Variants in PIGB observed in about 807,000 individuals in gnomAD.
PIGB encodes the protein phosphatidylinositol glycan anchor biosynthesis class B.
In PIGB, 58 loss-of-function variants were observed where a neutral mutation model predicts 68.4. The ratio of observed to expected loss-of-function variants is 0.85; its 90% CI spans 0.69 to 1.06. The LOEUF is 1.06. Ranked by LOEUF, PIGB falls within the 50% of genes least tolerant of loss-of-function variation. PIGB has a pLI of 0.00. For missense variants in PIGB, 634 were observed against 655.8 expected (o/e 0.97, Z 0.36); for synonymous variants, 219 against 220.5 (o/e 0.99, Z 0.06).
intron 4 of PIGB, among the ~76,000 whole-genome samples, chr15:55,328,087 G>C (rs1197326152): frequency 6.6e-6 from 1 of 152,200 alleles, no homozygotes; most frequent in African/African-American, 2.4e-5. Flanking sequence ...TGGGATGTTG[G>C]AAGTATTAGG....
intron 9 of PIGB, among the ~76,000 whole-genome samples, chr15:55,347,495 G>A (rs2055821686): frequency 6.6e-6 from 1 of 152,210 alleles, no homozygotes; most frequent in East Asian, 1.9e-4. Flanking sequence ...TCATTTTTAA[G>A]TTGGAACCTG....
intron 6 of PIGB, among the ~76,000 whole-genome samples, 183 bp from the exon 7 acceptor site, chr15:55,339,081 TATA>T (rs2055603901): frequency 1.3e-5 from 2 of 152,236 alleles, no homozygotes; most frequent in South Asian, 2.1e-4. Flanking sequence ...TAATCGATTA[TATA>T]ATCTTATCTA....
At position 55,350,853 on chromosome 15, in the gene PIGB, CAATA is replaced by C; in HGVS notation, c.1282_1285del (p.Lys428LeufsTer7). On this transcript the variant is annotated frameshift_variant, in exon 10 of 12. Transcript: ENST00000164305. LOFTEE classifies it high-confidence loss of function. ...TTCAAAAAGTTTGTTACAACAATCC[CAATA>C]AATCTTCAGCTTCAATATTTATAAT... The C allele has an allele frequency of 6.2e-7, 1 of 1,609,130 alleles. No individual in the cohort carries two copies. Among genetic ancestry groups the C allele is most frequent in the Non-Finnish European group, 8.5e-7 (1 of 1,175,734 alleles).
intron 1 of PIGB, 36 bp from the exon 2 acceptor site, chr15:55,320,239 T>C (rs1167524461): frequency 1.3e-6 from 2 of 1,595,802 alleles, no homozygotes; most frequent in Non-Finnish European, 1.7e-6. Context: ...TGCCTGACTT[T>C]TGTGCCACTA....
At chr15:55,351,036 C>T (rs2055909827) in intron 10 of PIGB, 124 bp downstream of exon 10, 2 of 600,506 alleles carry the variant, frequency 3.3e-6, no homozygotes, top group Non-Finnish European at 5.8e-6. Flanking sequence ...TAAACTCCCA[C>T]ATATTTATTC....
chr15:55,319,562 T>C (rs1370778697), intron 1 of PIGB, 149 bp downstream of exon 1: 5 of 604,352 alleles, frequency 8.3e-6, no homozygotes, highest in African/African-American at 5.7e-5. Context: ...CAGATTTTAA[T>C]ATAAATTCTG....
At chr15:55,347,195 AGGC>A (rs2055813829) in intron 9 of PIGB, among the ~76,000 whole-genome samples, 1 of 152,218 alleles carries the variant, frequency 6.6e-6, no homozygotes, top group African/African-American at 2.4e-5. Context: ...GCACTTTGGG[AGGC>A]TGTGGCGGGC....
intron 6 of PIGB, among the ~76,000 whole-genome samples, chr15:55,334,661 A>AG (rs2055495017): frequency 1.3e-5 from 2 of 152,204 alleles, no homozygotes; most frequent in African/African-American, 4.8e-5. Flanking sequence ...CATTTATGAC[A>AG]GTGGTCCCAT....
At chr15:55,350,381 C>A in intron 9 of PIGB, 1 of 291,156 alleles carries the variant, frequency 3.4e-6, no homozygotes, top group Non-Finnish European at 6.4e-6. Flanking sequence ...TTTTCTAACA[C>A]TTGAATAAGG....
intron 9 of PIGB, among the ~76,000 whole-genome samples, chr15:55,343,971 T>G (rs2055732429): frequency 6.6e-6 from 1 of 152,196 alleles, no homozygotes. Context: ...ACAGTTCTCT[T>G]TGGAGCTCTT....
chr15:55,326,813 G>A (rs1422191013), intron 3 of PIGB, among the ~76,000 whole-genome samples: 2 of 152,268 alleles, frequency 1.3e-5, no homozygotes, highest in African/African-American at 2.4e-5. Context: ...CTCCAGCCTG[G>A]GCGACAGAGC....
At chr15:55,355,233 C>A in intron 11 of PIGB, 53 bp from the exon 12 acceptor site, 1 of 1,416,220 alleles carries the variant, frequency 7.1e-7, no homozygotes. Flanking sequence ...TTGACTGAAA[C>A]AGTACTCAGC....
chr15:55,350,760 A>C lies in PIGB; in HGVS notation c.1185A>C (p.Ser395=), dbSNP rs1013967627. The C allele has an allele frequency of 1.2e-6, 2 of 1,613,722 alleles. No homozygotes were observed. Among genetic ancestry groups the C allele is most frequent in the Non-Finnish European group, 8.5e-7 (1 of 1,179,746 alleles). The change falls in exon 10 of 12, where the codon TCA becomes TCC. Residue 395 remains serine, a synonymous_variant. Transcript: ENST00000164305. ...CAGCTCTAAGTTTCCTGTTTTTATC[A>C]AATTTGTTCCTCGCCCTTTATACTG... The part of the protein sequence containing the change: ...KKPALSFLFL[S]NLFLALYTGL...
chr15:55,320,829 A>G (rs913588374), intron 2 of PIGB, among the ~76,000 whole-genome samples: 2 of 152,128 alleles, frequency 1.3e-5, no homozygotes, highest in Non-Finnish European at 2.9e-5. Context: ...AGTTTTCCGT[A>G]TTTTCCCCAA....
intron 10 of PIGB, chr15:55,351,525 C>T (rs2055921658): frequency 6.6e-6 from 1 of 152,144 alleles, no homozygotes; most frequent in African/African-American, 2.4e-5. Context: ...GTATTACTTA[C>T]CTTACTACAA....
intron 10 of PIGB, among the ~76,000 whole-genome samples, chr15:55,353,994 T>TAAATAAAAATAAAAATAAA (rs1193697951): frequency 1.7e-4 from 19 of 111,670 alleles, no homozygotes; most frequent in African/African-American, 3.7e-4. Context: ...TCAATCATCT[T>TAAATAAAAATAAAAATAAA]AAATAAAAAA....
In PIGB at chr15:55,336,426, A is replaced by G. The variant is rs559390155; in HGVS notation, c.794+2419A>G. Among the ~76,000 whole-genome samples, 40 of 152,246 alleles carry G rather than the reference A, an allele frequency of 2.6e-4. No homozygotes were observed. In the East Asian group the frequency reaches 7.5e-3, roughly 29 times the overall value. On this transcript the variant is annotated intron_variant, in intron 6 of 11. Transcript: ENST00000164305. ...ATAACAAAGAAAATATTCTACGTCA[A>G]AAATGCACTTAACACATCTAACGTA... is the stretch of plus-strand genomic sequence containing the variant.
chr15:55,351,233 G>T (rs1305977980), intron 10 of PIGB, among the ~76,000 whole-genome samples: 1 of 149,376 alleles, frequency 6.7e-6, no homozygotes, highest in African/African-American at 2.5e-5. Flanking sequence ...TCAGCCTCCC[G>T]AGTAGCTGGG....
rs554490138 is a variant in PIGB at position 55,323,361 on chromosome 15, A to G, written c.417+1971A>G. 1.2e-4 allele frequency among the ~76,000 whole-genome samples: 19 copies of G among 152,252 alleles called. 1 individual carries two copies. Among genetic ancestry groups the G allele is most frequent in the African/African-American group, 4.1e-4 (17 of 41,546 alleles). On this transcript the variant is annotated intron_variant, in intron 3 of 11. Coordinates refer to ENST00000164305, the MANE Select transcript of PIGB (RefSeq NM_004855.5). The stretch of plus-strand genomic sequence containing the variant: ...TGCACAGCTAGGCATGGTGGCTCAC[A>G]GTTGTAATCTCAGCACTTTGGGAGG...
Sources: gnomAD v4.1 joint callset for allele counts (sites outside exome capture counted in the v4.1 genomes callset) on GRCh38, gnomAD v4.1.1 for gene constraint, MANE v1.5 for transcripts, NCBI Gene and HGNC (gene_info 2026-07-23, HGNC 2026-07-21) for gene names.